The following POLA2 variants were observed in gnomAD, a reference collection of about 807,000 sequenced individuals.
The protein encoded by POLA2 is DNA polymerase alpha 2, accessory subunit, also known as DNA polymerase alpha subunit B.
In POLA2, 47 loss-of-function variants were observed where a neutral mutation model predicts 82.8. The observed-to-expected ratio is 0.57, with a 90% confidence interval of 0.45 to 0.72. The LOEUF is 0.72. Among genes scored for constraint, POLA2 ranks in the 30% least tolerant of loss-of-function variants. The pLI is 0.00. For missense variants in POLA2, 634 were observed against 728.1 expected (o/e 0.87, Z 1.49); for synonymous variants, 287 against 286.8 (o/e 1.00, Z -0.01).
intron 10 of POLA2, among the ~76,000 whole-genome samples, chr11:65,285,328 C>T (rs2137556846): frequency 6.6e-6 from 1 of 151,968 alleles, no homozygotes; most frequent in African/African-American, 2.4e-5. Context: ...TCGCTTGAAC[C>T]TGGGAGGTAG....
chr11:65,283,512 C>T (rs1283013333), intron 10 of POLA2, among the ~76,000 whole-genome samples: 1 of 152,094 alleles, frequency 6.6e-6, no homozygotes, highest in Admixed American at 6.5e-5. Context: ...CTCTGCCCCC[C>T]AGGCTGGAGT....
chr11:65,294,675 C>G lies in POLA2; in HGVS notation c.1460+23C>G, dbSNP rs1590910903. On this transcript the variant is annotated intron_variant, in intron 15 of 17. Transcript: ENST00000265465. Reference sequence around the variant, plus strand: ...TAGGTAAGAAGTGTGTTCCAGGCCCCAAGCAGGATGACTGGCTTTCTGGTC... The same window carrying G: ...TAGGTAAGAAGTGTGTTCCAGGCCCGAAGCAGGATGACTGGCTTTCTGGTC... The G allele has an allele frequency of 2.7e-6, 4 of 1,507,724 alleles. No individual in the cohort carries two copies. The East Asian group carries it at 9.1e-5, about 34-fold the overall frequency. The allele number at this position is 1,507,724 out of a possible 1,614,324, so 93.4% of individuals were successfully genotyped here. A position where few individuals can be genotyped will look rare whatever the true frequency, so the allele number is the denominator to read the frequency against.
chr11:65,272,883 G>A (rs981619832), intron 4 of POLA2, among the ~76,000 whole-genome samples: 2 of 151,148 alleles, frequency 1.3e-5, no homozygotes, highest in Non-Finnish European at 2.9e-5. Context: ...GCGTGGCAGC[G>A]GGCGCCTGTA....
At chr11:65,280,837 T>C in intron 7 of POLA2, 155 bp from the exon 8 acceptor site, 1 of 654,682 alleles carries the variant, frequency 1.5e-6, no homozygotes. Flanking sequence ...TGAGAGTCAG[T>C]GATGACGCGG....
At chr11:65,291,070 C>G (rs1025312605) in intron 13 of POLA2, among the ~76,000 whole-genome samples, 2 of 152,210 alleles carry the variant, frequency 1.3e-5, no homozygotes, top group Non-Finnish European at 2.9e-5. Context: ...AGGCTAAAGC[C>G]GGAAGTGGAA....
In POLA2 at chr11:65,294,574, G is replaced by A; in HGVS notation, c.1382G>A (p.Ser461Asn). Residue 461 changes from serine (S) to asparagine (N), a missense_variant, in exon 15 of 18, where the codon AGC becomes AAC. By Grantham distance (46) the Ser-to-Asn change is conservative (BLOSUM62 1). Transcript: ENST00000265465. The part of the protein sequence containing the change: ...KQVQFVSEPC[S>N]LSINGVIFGL... ...GTACAGTTTGTGTCCGAGCCCTGCA[G>A]CCTCTCCATAAACGGAGTGATCTTC... 1 of 1,613,900 alleles carries A rather than the reference G, an allele frequency of 6.2e-7. No homozygotes were observed. Among genetic ancestry groups the A allele is most frequent in the Non-Finnish European group, 8.5e-7 (1 of 1,179,828 alleles).
Position 65,298,347 on chromosome 11 carries a change from TCAGA to T in POLA2, c.*1082_*1085del, listed in dbSNP as rs1949836067. ...AGGGCTTGCCTGCAGCCCAGAACAC[TCAGA>T]CAGGGTCAGGCCTTCCAGGGTTCAC... On this transcript the variant is annotated 3_prime_UTR_variant, in exon 18 of 18. Coordinates refer to ENST00000265465, the MANE Select transcript of POLA2 (RefSeq NM_002689.4). The T allele has an allele frequency of 6.6e-6, 1 of 152,282 alleles. No homozygotes were observed. The highest frequency in any genetic ancestry group is 1.5e-5 in the Non-Finnish European group (1 of 68,106). 9.4% of individuals were successfully genotyped at this position (152,282 alleles called of 1,614,324 possible). A position where few individuals can be genotyped will look rare whatever the true frequency, so the allele number is the denominator to read the frequency against.
At chr11:65,292,165 G>A (rs1949761841) in intron 13 of POLA2, among the ~76,000 whole-genome samples, 1 of 152,288 alleles carries the variant, frequency 6.6e-6, no homozygotes, top group South Asian at 2.1e-4. Context: ...GAACCCAGGA[G>A]GTAGAGGTTG....
chr11:65,276,163 C>G (rs1224827976), intron 5 of POLA2, among the ~76,000 whole-genome samples, 165 bp downstream of exon 5: 1 of 152,178 alleles, frequency 6.6e-6, no homozygotes, highest in African/African-American at 2.4e-5. Flanking sequence ...TCCTTGCTCT[C>G]CTTTTCTTTG....
In POLA2 at chr11:65,297,399, TGCAGTGACCAGGCCCA is replaced by T; in HGVS notation, c.*135_*150del. The T allele has an allele frequency of 9.0e-7, 1 of 1,105,512 alleles. No individual in the cohort carries two copies. The highest frequency in any genetic ancestry group is 1.2e-6 in the Non-Finnish European group (1 of 811,604). The allele number at this position is 1,105,512 out of a possible 1,614,324, so 68.5% of individuals were successfully genotyped here. ...GAGGAGCCAGCCAGGGAGGGGCAGC[TGCAGTGACCAGGCCCA>T]GCAGGGAGGACTTGTGCAGCCGGGC... On this transcript the variant is annotated 3_prime_UTR_variant, in exon 18 of 18. Coordinates refer to ENST00000265465, the MANE Select transcript of POLA2 (RefSeq NM_002689.4).
intron 6 of POLA2, 34 bp downstream of exon 6, chr11:65,278,957 A>G: frequency 6.3e-7 from 1 of 1,580,528 alleles, no homozygotes. Context: ...TCTGGTGGAT[A>G]TAAAACCACC....
chr11:65,275,812 CT>C, intron 4 of POLA2, 79 bp from the exon 5 acceptor site: 2 of 720,328 alleles, frequency 2.8e-6, no homozygotes, highest in Non-Finnish European at 4.6e-6. Context: ...CATGTTCTCC[CT>C]TTTCTTCCAA....
In POLA2 at chr11:65,262,226, C is replaced by T. The variant is rs187080464; in HGVS notation, c.-67C>T. The T allele has an allele frequency of 9.3e-6, 12 of 1,287,426 alleles. No individual in the cohort carries two copies. In the East Asian group the frequency reaches 2.9e-4, roughly 31 times the overall value. The allele number at this position is 1,287,426 out of a possible 1,614,324, so 79.8% of individuals were successfully genotyped here. A position where few individuals can be genotyped will look rare whatever the true frequency, so the allele number is the denominator to read the frequency against. On this transcript the variant is annotated 5_prime_UTR_variant, in exon 1 of 18. Coordinates refer to ENST00000265465, the MANE Select transcript of POLA2 (RefSeq NM_002689.4). The stretch of plus-strand genomic sequence containing the variant: ...GCGAGGAGCTCATCGCTCGCCACCC[C>T]CGTGGGCTTCTTGGGCGCAGGTCGG...
In POLA2 at chr11:65,297,436, C is replaced by T. The variant is rs562456947; in HGVS notation, c.*167C>T. The T allele has an allele frequency of 1.0e-5, 7 of 688,246 alleles. No homozygotes were observed. The Admixed American group carries it at 1.8e-4, about 18-fold the overall frequency. 42.6% of individuals were successfully genotyped at this position (688,246 alleles called of 1,614,324 possible). On this transcript the variant is annotated 3_prime_UTR_variant, in exon 18 of 18. Transcript: ENST00000265465. The stretch of plus-strand genomic sequence containing the variant: ...GCCCAGCAGGGAGGACTTGTGCAGC[C>T]GGGCCTGCCTCTGAGTGGTGCCTCT...
At chr11:65,279,423 C>T (rs1380847234) in intron 6 of POLA2, 115 bp from the exon 7 acceptor site, 4 of 696,768 alleles carry the variant, frequency 5.7e-6, no homozygotes, top group South Asian at 3.7e-5. Context: ...GTCCAGGCAC[C>T]CTTCCTGCTT....
rs568116671 is a variant in POLA2, at chr11:65,282,228, G to C, written c.964-251G>C. On this transcript the variant is annotated intron_variant, in intron 9 of 17. Coordinates refer to ENST00000265465, the MANE Select transcript of POLA2 (RefSeq NM_002689.4). ...CCTGTTTTGCTCCCACTTGTTGCTG[G>C]GTATTTTATGACAATTGAGTAGTGA... Among the ~76,000 whole-genome samples, 12 of 152,232 alleles carry C rather than the reference G, an allele frequency of 7.9e-5. No homozygotes were observed. In the South Asian group the frequency reaches 2.5e-3, roughly 32 times the overall value.
intron 12 of POLA2, 44 bp from the exon 13 acceptor site, chr11:65,289,755 C>T: frequency 7.7e-7 from 1 of 1,304,930 alleles, no homozygotes; most frequent in Non-Finnish European, 1.1e-6. Context: ...TGAATAAACA[C>T]CAAACATCTG....
chr11:65,295,753 A>T, intron 16 of POLA2, 111 bp from the exon 17 acceptor site: 6 of 1,413,970 alleles, frequency 4.2e-6, no homozygotes, highest in Non-Finnish European at 6.0e-6. Context: ...ACACAGAGAA[A>T]AAGTCGGTCT....
chr11:65,287,658 C>T, intron 10 of POLA2, 58 bp from the exon 11 acceptor site: 1 of 1,485,870 alleles, frequency 6.7e-7, no homozygotes. Context: ...TGTCCTTTCT[C>T]CTCCCACCAT....
Sources: gnomAD v4.1 joint callset for allele counts (sites outside exome capture counted in the v4.1 genomes callset) on GRCh38, gnomAD v4.1.1 for gene constraint, MANE v1.5 for transcripts, NCBI Gene and HGNC (gene_info 2026-07-23, HGNC 2026-07-21) for gene names.